Variants in PXDN observed in about 807,000 individuals in gnomAD.
The protein encoded by PXDN is peroxidasin homolog.
Under a neutral mutation model 140.3 loss-of-function variants are expected in PXDN, and 77 were observed. The observed-to-expected ratio is 0.55, with a 90% confidence interval of 0.46 to 0.66. PXDN has a LOEUF of 0.66. Ranked by LOEUF, PXDN falls within the 30% of genes least tolerant of loss-of-function variation. The pLI, the probability that PXDN is intolerant of heterozygous loss-of-function variation, is 0.00. For missense variants in PXDN, 1,838 were observed against 2,039.5 expected, an observed-to-expected ratio of 0.90 and a Z score of 1.90; for synonymous variants, 911 against 857.4, an observed-to-expected ratio of 1.06 and a Z score of -1.09.
chr2:1,635,317 C>T, intron 22 of PXDN, 91 bp downstream of exon 22: 1 of 1,129,286 alleles, frequency 8.9e-7, no homozygotes, highest in Non-Finnish European at 1.3e-6. Flanking sequence ...GGGCCTGGCC[C>T]TGACATCTGG....
intron 6 of PXDN, 100 bp downstream of exon 6, chr2:1,683,556 T>TCTC: frequency 2.1e-6 from 1 of 483,046 alleles, no homozygotes; most frequent in Non-Finnish European, 3.1e-6. Flanking sequence ...AATCAGATTG[T>TCTC]TATCAACATT....
At chr2:1,686,328 C>G (rs946969258) in intron 4 of PXDN, among the ~76,000 whole-genome samples, 1 of 152,218 alleles carries the variant, frequency 6.6e-6, no homozygotes, top group African/African-American at 2.4e-5. Context: ...TAAAGGCAGC[C>G]TGGCCAGCTC....
At chr2:1,680,480 C>A (rs192648147) in intron 6 of PXDN, 118 bp from the exon 7 acceptor site, 80 of 1,256,616 alleles carry the variant, frequency 6.4e-5, no homozygotes, top group East Asian at 4.4e-4. Context: ...GCCAGGCTTG[C>A]GACATGGGGA....
rs1558479665 is a variant in PXDN, at chr2:1,632,733, C to G, written c.*1471G>C. On this transcript the variant is annotated 3_prime_UTR_variant, in exon 23 of 23. Coordinates refer to ENST00000252804, the MANE Select transcript of PXDN (RefSeq NM_012293.3). This position sits in a 1 kb window ranked among gnomAD's most constrained non-coding sequence, Gnocchi z 4.3. ...CTGTCAGAAGGAAGCTGGCCTCCCC[C>G]ACCCCATGGAAGCCTCGACGCCATA... 6.6e-6 allele frequency: 1 copy of G among 152,296 alleles called. No individual in the cohort carries two copies. The highest frequency in any genetic ancestry group is 2.4e-5 in the African/African-American group (1 of 41,454). The allele number at this position is 152,296 out of a possible 1,614,324, so 9.4% of individuals were successfully genotyped here.
intron 1 of PXDN, among the ~76,000 whole-genome samples, chr2:1,694,607 T>C (rs1572165930): frequency 1.3e-5 from 2 of 152,202 alleles, no homozygotes; most frequent in East Asian, 1.9e-4. Context: ...ACCAACAGTC[T>C]CCTCACACGC....
intron 1 of PXDN, among the ~76,000 whole-genome samples, chr2:1,730,998 A>G (rs1685299542): frequency 6.6e-6 from 1 of 152,188 alleles, no homozygotes; most frequent in Non-Finnish European, 1.5e-5. Context: ...TACAGCCCAC[A>G]TTAGAAGCTG....
intron 21 of PXDN, chr2:1,636,743 G>A (rs1682570693): frequency 3.3e-5 from 5 of 151,140 alleles, no homozygotes; most frequent in Admixed American, 3.3e-4. Context: ...AGGGGCCAGA[G>A]AGCACTTAGG....
intron 6 of PXDN, among the ~76,000 whole-genome samples, chr2:1,680,586 A>G (rs1240033095): frequency 1.3e-5 from 2 of 152,208 alleles, no homozygotes; most frequent in African/African-American, 4.8e-5. Context: ...AGGGGTGCAC[A>G]GTGCCCCTCA....
intron 1 of PXDN, among the ~76,000 whole-genome samples, chr2:1,718,276 C>A (rs1043672684): frequency 4.6e-5 from 7 of 152,060 alleles, no homozygotes; most frequent in Non-Finnish European, 1.0e-4. Context: ...ATTCCACTAA[C>A]CTACCACCCA....
At chr2:1,696,627 T>C (rs781450471) in intron 1 of PXDN, among the ~76,000 whole-genome samples, 45 of 152,160 alleles carry the variant, frequency 3.0e-4, no homozygotes, top group Non-Finnish European at 5.9e-4. Context: ...CATACACCAA[T>C]AGTTATACCA....
At position 1,727,115 on chromosome 2, in the gene PXDN, G is replaced by C. The variant is rs142745925; in HGVS notation, c.200+17141C>G. 2.0e-4 allele frequency among the ~76,000 whole-genome samples: 31 copies of C among 152,248 alleles called. 1 individual carries two copies. In the East Asian group the frequency reaches 6.0e-3, roughly 29 times the overall value. ...TCTGCTTCCTTGTAATTTCCTGTTT[G>C]CATCCAAGTATCTGCTTCAACTAAA... On this transcript the variant is annotated intron_variant, in intron 1 of 22. Transcript: ENST00000252804.
At chr2:1,697,317 C>T (rs1483472938) in intron 1 of PXDN, among the ~76,000 whole-genome samples, 1 of 152,170 alleles carries the variant, frequency 6.6e-6, no homozygotes, top group Non-Finnish European at 1.5e-5. Context: ...CAGGCATTTG[C>T]TTGTTTCCTC....
chr2:1,715,088 C>A (rs1684864737), intron 1 of PXDN, among the ~76,000 whole-genome samples: 1 of 151,996 alleles, frequency 6.6e-6, no homozygotes, highest in Non-Finnish European at 1.5e-5. Flanking sequence ...TCCAAAACTT[C>A]TTCCATGGGT....
At chr2:1,645,392 G>A (rs545513382) in intron 17 of PXDN, among the ~76,000 whole-genome samples, 1 of 152,220 alleles carries the variant, frequency 6.6e-6, no homozygotes, top group African/African-American at 2.4e-5. Flanking sequence ...CTTAGAACTC[G>A]ACTACGCAGC....
At position 1,687,720 on chromosome 2, in the gene PXDN, T is replaced by A; in HGVS notation, c.345-17A>T. ...TACAGATAGCTGAAACAAGAAACATTGGGGAGCATTAGCACACAGACAGGA... is the reference window on the plus strand; with the variant it reads ...TACAGATAGCTGAAACAAGAAACATAGGGGAGCATTAGCACACAGACAGGA... On this transcript the variant is annotated splice_polypyrimidine_tract_variant and intron_variant, in intron 3 of 22. Coordinates refer to ENST00000252804, the MANE Select transcript of PXDN (RefSeq NM_012293.3). This position sits in a 1 kb window ranked among gnomAD's most constrained non-coding sequence, Gnocchi z 4.0. The A allele has an allele frequency of 6.7e-7, 1 of 1,490,384 alleles. No individual in the cohort carries two copies. Among genetic ancestry groups the A allele is most frequent in the Non-Finnish European group, 9.3e-7 (1 of 1,074,840 alleles). 92.3% of individuals were successfully genotyped at this position (1,490,384 alleles called of 1,614,324 possible). A position where few individuals can be genotyped will look rare whatever the true frequency, so the allele number is the denominator to read the frequency against.
rs371298590 is a variant in PXDN at position 1,642,827 on chromosome 2, T to C, written c.3952+541A>G. Among the ~76,000 whole-genome samples, 11 of 152,270 alleles carry C rather than the reference T, an allele frequency of 7.2e-5. 1 individual carries two copies. In the East Asian group the frequency reaches 1.9e-3, roughly 27 times the overall value. ...GGGCACGAGTGCCGGGGCTGTGGGA[T>C]TGATATCAGGGCGTCCCTCAGCTAC... On this transcript the variant is annotated intron_variant, in intron 19 of 22. Coordinates refer to ENST00000252804, the MANE Select transcript of PXDN (RefSeq NM_012293.3).
chr2:1,655,706 C>A, intron 14 of PXDN, among the ~76,000 whole-genome samples: 1 of 126,644 alleles, frequency 7.9e-6, no homozygotes, highest in Non-Finnish European at 1.6e-5. Context: ...CTGACTGAAA[C>A]CTGCCCCCTC....
chr2:1,715,718 C>T (rs1228132855), intron 1 of PXDN, among the ~76,000 whole-genome samples: 1 of 152,176 alleles, frequency 6.6e-6, no homozygotes, highest in African/African-American at 2.4e-5. Flanking sequence ...GACCACTTTC[C>T]AGGCTCTGAG....
intron 14 of PXDN, among the ~76,000 whole-genome samples, chr2:1,657,144 T>TG (rs944326278): frequency 1.1e-4 from 16 of 140,110 alleles, no homozygotes; most frequent in African/African-American, 3.0e-4. Flanking sequence ...CCCTCCTGAC[T>TG]GGGGGGGGAC....
Sources: allele counts gnomAD v4.1 joint callset (sites outside exome capture counted in the v4.1 genomes callset), GRCh38; gene constraint gnomAD v4.1.1; non-coding constraint Gnocchi (gnomAD v3.1); transcripts MANE v1.5; gene names NCBI Gene and HGNC (gene_info 2026-07-23, HGNC 2026-07-21).